SMIM10L3: variants seen among roughly 807,000 people sequenced by gnomAD.
The protein encoded by SMIM10L3 is small integral membrane protein 10 like 3, also known as salivary gland specific protein SAGSIN1.
chr7:6,346,580 C>G, the SMIM10L3 span, among the ~76,000 whole-genome samples: 1 of 152,112 alleles, frequency 6.6e-6, no homozygotes, highest in Non-Finnish European at 1.5e-5. Context: ...AGGGTTTCAC[C>G]CTGTAGCCCA....
the SMIM10L3 span, among the ~76,000 whole-genome samples, chr7:6,343,036 C>CAA: frequency 8.2e-4 from 81 of 99,110 alleles, no homozygotes; most frequent in South Asian, 0.013. Context: ...GACGCTTTCT[C>CAA]AAAAAAAAAA....
the SMIM10L3 span, among the ~76,000 whole-genome samples, chr7:6,333,516 T>G: frequency 0.049 from 7,509 of 152,222 alleles, 646 homozygotes; most frequent in African/African-American, 0.17. Flanking sequence ...TTGCTGTTTT[T>G]GAGACGAGGT....
chr7:6,333,847 T>G, the SMIM10L3 span, among the ~76,000 whole-genome samples: 2 of 147,606 alleles, frequency 1.4e-5, no homozygotes, highest in Admixed American at 6.8e-5. Flanking sequence ...CCTCTTTTTT[T>G]TTTTTTTTTT....
At chr7:6,348,721 G>C in the SMIM10L3 span, 1 of 419,820 alleles carries the variant, frequency 2.4e-6, no homozygotes, top group South Asian at 7.1e-5. Flanking sequence ...GGCCGAGCGC[G>C]AGAGCCGGAC....
At chr7:6,339,468 C>T in the SMIM10L3 span, among the ~76,000 whole-genome samples, 1 of 151,980 alleles carries the variant, frequency 6.6e-6, no homozygotes, top group Non-Finnish European at 1.5e-5. Context: ...CCCTATAAAA[C>T]CAGCTGTGTA....
chr7:6,340,205 A>G, the SMIM10L3 span, among the ~76,000 whole-genome samples: 1 of 152,088 alleles, frequency 6.6e-6, no homozygotes, highest in Non-Finnish European at 1.5e-5. Context: ...TTCTGTGAAG[A>G]TTCGATGTAT....
At chr7:6,331,566 G>A in the SMIM10L3 span, among the ~76,000 whole-genome samples, 132 of 152,014 alleles carry the variant, frequency 8.7e-4, no homozygotes, top group Non-Finnish European at 1.4e-3. Flanking sequence ...ATTTTTAATA[G>A]AGACAAGGTT....
the SMIM10L3 span, among the ~76,000 whole-genome samples, chr7:6,345,634 G>C: frequency 6.6e-6 from 1 of 152,134 alleles, no homozygotes; most frequent in Non-Finnish European, 1.5e-5. Flanking sequence ...AGCCATTCTT[G>C]TGATTTTTAC....
At chr7:6,344,331 C>G in the SMIM10L3 span, among the ~76,000 whole-genome samples, 1 of 152,110 alleles carries the variant, frequency 6.6e-6, no homozygotes, top group Non-Finnish European at 1.5e-5. Context: ...AGGTAAATAT[C>G]AAGGCCAAGA....
the SMIM10L3 span, among the ~76,000 whole-genome samples, chr7:6,342,363 G>A: frequency 4.2e-4 from 64 of 151,708 alleles, no homozygotes; most frequent in Non-Finnish European, 8.0e-4. Context: ...CAGCTAACAT[G>A]GCAAAACCCC....
At chr7:6,344,397 G>A in the SMIM10L3 span, among the ~76,000 whole-genome samples, 2 of 152,100 alleles carry the variant, frequency 1.3e-5, no homozygotes, top group Non-Finnish European at 2.9e-5. Flanking sequence ...TGTTGCACTT[G>A]GTCAAGCCCA....
At chr7:6,348,056 A>T in the SMIM10L3 span, among the ~76,000 whole-genome samples, 1 of 151,328 alleles carries the variant, frequency 6.6e-6, no homozygotes, top group Middle Eastern at 3.4e-3. Context: ...GATTACAGGC[A>T]CGCGCCACCA....
the SMIM10L3 span, among the ~76,000 whole-genome samples, chr7:6,338,990 C>T: frequency 1.3e-5 from 2 of 152,194 alleles, no homozygotes; most frequent in Non-Finnish European, 2.9e-5. Context: ...CACACCTTAA[C>T]TCACTGTGCT....
the SMIM10L3 span, among the ~76,000 whole-genome samples, chr7:6,342,439 G>A: frequency 5.9e-5 from 9 of 151,926 alleles, no homozygotes; most frequent in South Asian, 1.5e-3. Flanking sequence ...CAGCTACTCG[G>A]GAGGCAGGAG....
the SMIM10L3 span, among the ~76,000 whole-genome samples, chr7:6,347,458 G>C: frequency 2.0e-5 from 3 of 151,904 alleles, no homozygotes; most frequent in African/African-American, 7.3e-5. Context: ...AGAGGTTGCA[G>C]TGAGCTGAGA....
chr7:6,333,467 T>C, the SMIM10L3 span, among the ~76,000 whole-genome samples: 1 of 152,128 alleles, frequency 6.6e-6, no homozygotes, highest in Non-Finnish European at 1.5e-5. Flanking sequence ...AAGGCTGTGA[T>C]CATAAGGAGG....
At chr7:6,335,533 G>GTTA in the SMIM10L3 span, among the ~76,000 whole-genome samples, 68,900 of 151,560 alleles carry the variant, frequency 0.45, 16,207 homozygotes, top group African/African-American at 0.59. Flanking sequence ...CAGCCTAGCC[G>GTTA]TTAATATGTG....
the SMIM10L3 span, among the ~76,000 whole-genome samples, chr7:6,345,852 T>G: frequency 6.6e-6 from 1 of 152,034 alleles, no homozygotes; most frequent in East Asian, 1.9e-4. Context: ...CACTGCAACC[T>G]CCATCTCCTG....
At chr7:6,335,763 A>C in the SMIM10L3 span, among the ~76,000 whole-genome samples, 1 of 152,160 alleles carries the variant, frequency 6.6e-6, no homozygotes, top group African/African-American at 2.4e-5. Flanking sequence ...GGCCAGGTGC[A>C]GTGGCTCAGC....
Sources: gnomAD v4.1 joint callset for allele counts (sites outside exome capture counted in the v4.1 genomes callset) on GRCh38, gnomAD v4.1.1 for gene constraint, MANE v1.5 for transcripts, NCBI Gene and HGNC (gene_info 2026-07-23, HGNC 2026-07-21) for gene names.